Variants in VCAN observed in about 807,000 individuals in gnomAD.
VCAN encodes the protein versican core protein.
Under a neutral mutation model 245.5 loss-of-function variants are expected in VCAN, and 44 were observed. That is an observed-to-expected ratio of 0.18 (90% confidence interval 0.14 to 0.23). The LOEUF (loss-of-function observed/expected upper bound fraction) is 0.23, where lower values mean the gene tolerates loss of function less well. Ranked by LOEUF, VCAN falls within the 10% of genes least tolerant of loss-of-function variation. The pLI, the probability that VCAN is intolerant of heterozygous loss-of-function variation, is 1.00. For missense variants in VCAN, 3,793 were observed against 4,057.9 expected (o/e 0.93, Z 1.77); for synonymous variants, 1,413 against 1,437.0 (o/e 0.98, Z 0.38).
At position 83,580,540 on chromosome 5, in the gene VCAN, G is replaced by T; in HGVS notation, c.*106G>T. 2 of 1,539,832 alleles carry T rather than the reference G, an allele frequency of 1.3e-6. No individual in the cohort carries two copies. The highest frequency in any genetic ancestry group is 1.8e-6 in the Non-Finnish European group (2 of 1,133,114). ...TAATTATCAGTTGGTTTGGATTTTT[G>T]GACCACCGTTCAGTCATTTTGGGTT... is the stretch of plus-strand genomic sequence containing the variant. On this transcript the variant is annotated 3_prime_UTR_variant, in exon 15 of 15. Coordinates refer to ENST00000265077, the MANE Select transcript of VCAN (RefSeq NM_004385.5).
rs11745614 is a variant in VCAN, at chr5:83,520,756, C to G, written c.2450C>G (p.Ser817Cys). 1 of 1,614,110 alleles carries G rather than the reference C, an allele frequency of 6.2e-7. No homozygotes were observed. Among genetic ancestry groups the G allele is most frequent in the Admixed American group, 1.7e-5 (1 of 60,004 alleles). Residue 817 changes from serine (S) to cysteine (C), a missense_variant, in exon 7 of 15, where the codon TCT becomes TGT. Ser to Cys is a moderately radical substitution (Grantham distance 112). Around this residue, in one of 5 missense-constraint regions of VCAN, gnomAD observed 3,182 missense variants for 3,250.3 expected, o/e 0.98. Coordinates refer to ENST00000265077, the MANE Select transcript of VCAN (RefSeq NM_004385.5). The stretch of plus-strand genomic sequence containing the variant: ...AATACAACATCCAAGCCTTTAGAGT[C>G]TACAGAACCTTCAGCCTCTTCAAAA... ...EDNTTSKPLESTEPSASSKLP... is the reference protein window; with the variant it reads ...EDNTTSKPLECTEPSASSKLP...
intron 12 of VCAN, among the ~76,000 whole-genome samples, chr5:83,558,498 A>C (rs1747754428): frequency 6.6e-6 from 1 of 152,144 alleles, no homozygotes; most frequent in African/African-American, 2.4e-5. Flanking sequence ...AAACAAAAAG[A>C]ACCTTTCATA....
intron 7 of VCAN, among the ~76,000 whole-genome samples, chr5:83,528,586 G>T (rs928600668): frequency 1.3e-5 from 2 of 152,072 alleles, no homozygotes; most frequent in Admixed American, 6.6e-5. Context: ...GAGCTTCAGT[G>T]ATTCACACAT....
At chr5:83,473,593 G>T (rs887572031) in intron 1 of VCAN, among the ~76,000 whole-genome samples, 5 of 152,098 alleles carry the variant, frequency 3.3e-5, no homozygotes, top group African/African-American at 1.2e-4. Context: ...TGCCTTTCCC[G>T]TGCTCCAAGG....
chr5:83,520,026 G>T lies in VCAN; in HGVS notation c.1720G>T (p.Asp574Tyr). 1.9e-6 allele frequency: 3 copies of T among 1,614,022 alleles called. No homozygotes were observed. In the South Asian group the frequency reaches 3.3e-5, roughly 18 times the overall value. Residue 574 changes from aspartate to tyrosine, a missense_variant, in exon 7 of 15, where the codon GAC becomes TAC. This residue lies in a region of VCAN where 3,182 missense variants were observed against 3,250.3 expected (regional missense o/e 0.98). Transcript: ENST00000265077. ...VGSDESTLIF[D>Y]QIPEVITVSK... is the part of the protein sequence containing the mutation. ...ATCTGATGAGAGCACCTTGATCTTT[G>T]ACCAAATTCCTGAAGTCATTACGGT...
At chr5:83,523,513 T>C (rs1033844329) in intron 7 of VCAN, among the ~76,000 whole-genome samples, 1 of 151,750 alleles carries the variant, frequency 6.6e-6, no homozygotes, top group Non-Finnish European at 1.5e-5. Flanking sequence ...TGCTCAGGAG[T>C]GCACCTATTG....
intron 1 of VCAN, among the ~76,000 whole-genome samples, chr5:83,480,103 A>T (rs556160330): frequency 6.6e-6 from 1 of 152,328 alleles, no homozygotes; most frequent in Admixed American, 6.5e-5. Context: ...TTTAGTGTAA[A>T]CAGTCTAATT....
Position 83,541,522 on chromosome 5 carries a change from A to G in VCAN, c.8519A>G (p.His2840Arg), listed in dbSNP as rs751319175. The part of the protein sequence containing the change: ...TIYSGSEASG[H>R]TEIPQPSALP... ...TACTCAGGCAGTGAAGCCTCTGGAC[A>G]CACAGAGATCCCCCAGCCCAGTGCT... is the stretch of plus-strand genomic sequence containing the variant. Residue 2840 changes from histidine (H) to arginine (R), a missense_variant, in exon 8 of 15, where the codon CAC (histidine) becomes CGC (arginine). This residue lies in a region of VCAN where 3,182 missense variants were observed against 3,250.3 expected (regional missense o/e 0.98). Coordinates refer to ENST00000265077, the MANE Select transcript of VCAN (RefSeq NM_004385.5). 10 of 1,613,986 alleles carry G rather than the reference A, an allele frequency of 6.2e-6. No homozygotes were observed. The highest frequency in any genetic ancestry group is 3.3e-4 in the Middle Eastern group (2 of 6,060).
At position 83,565,906 on chromosome 5, in the gene VCAN, GA is replaced by G. The variant is rs34205964; in HGVS notation, c.9736-6501del. ...AAGAAAACTCATTTTTTAACACAAG[GA>G]AAAAAAAACCTCCTGGTTTATTTCT... On this transcript the variant is annotated intron_variant, in intron 12 of 14. Coordinates refer to ENST00000265077, the MANE Select transcript of VCAN (RefSeq NM_004385.5). 1.3e-3 allele frequency among the ~76,000 whole-genome samples: 190 copies of G among 147,976 alleles called. No homozygotes were observed. The East Asian group carries it at 0.027, about 21-fold the overall frequency.
intron 8 of VCAN, among the ~76,000 whole-genome samples, chr5:83,543,513 C>G (rs1747084369): frequency 6.6e-6 from 1 of 152,098 alleles, no homozygotes; most frequent in African/African-American, 2.4e-5. Flanking sequence ...ATAGAAAGTA[C>G]AATTTTTAAT....
At chr5:83,499,987 G>T (rs568957885) in intron 5 of VCAN, among the ~76,000 whole-genome samples, 34 of 152,114 alleles carry the variant, frequency 2.2e-4, no homozygotes, top group Non-Finnish European at 4.4e-4. Flanking sequence ...GCTTTTTAAA[G>T]GTTTTGGTTG....
intron 2 of VCAN, 69 bp downstream of exon 2, chr5:83,483,657 A>C: frequency 7.3e-7 from 1 of 1,368,736 alleles, no homozygotes; most frequent in South Asian, 1.2e-5. Flanking sequence ...ATGAAATGGC[A>C]ATGTGGAATC....
At chr5:83,572,682 C>T in intron 13 of VCAN, 122 bp downstream of exon 13, 1 of 1,247,084 alleles carries the variant, frequency 8.0e-7, no homozygotes, top group Non-Finnish European at 1.1e-6. Context: ...TGTATGTCAT[C>T]TCTCGTTGCT....
In VCAN at chr5:83,537,073, G is replaced by C; in HGVS notation, c.4070G>C (p.Cys1357Ser). 1 of 1,613,624 alleles carries C rather than the reference G, an allele frequency of 6.2e-7. No individual in the cohort carries two copies. The highest frequency in any genetic ancestry group is 8.5e-7 in the Non-Finnish European group (1 of 1,179,768). Residue 1357 changes from cysteine to serine, a missense_variant, in exon 8 of 15, where the codon TGT (cysteine) becomes TCT (serine). Physicochemically the swap from Cys to Ser is moderately radical, Grantham distance 112. This residue lies in a region of VCAN where 3,182 missense variants were observed against 3,250.3 expected (regional missense o/e 0.98). Coordinates refer to ENST00000265077, the MANE Select transcript of VCAN (RefSeq NM_004385.5). ...IDSESKEDEP[C>S]SEETDPVHDL... ...TCAGAATCTAAAGAAGATGAACCTT[G>C]TAGTGAAGAAACAGATCCAGTGCAT...
At chr5:83,513,967 AAAC>A (rs1745757977) in intron 6 of VCAN, among the ~76,000 whole-genome samples, 1 of 152,184 alleles carries the variant, frequency 6.6e-6, no homozygotes, top group South Asian at 2.1e-4. Flanking sequence ...GAAAACTTTT[AAAC>A]AACATTTTTC....
intron 10 of VCAN, 69 bp downstream of exon 10, chr5:83,548,153 CATA>C (rs1747308056): frequency 8.7e-7 from 1 of 1,148,322 alleles, no homozygotes; most frequent in African/African-American, 1.5e-5. Flanking sequence ...GGCCTCAATG[CATA>C]ATCTTTCCTG....
At chr5:83,554,215 C>T (rs1178419222) in intron 11 of VCAN, among the ~76,000 whole-genome samples, 1 of 152,214 alleles carries the variant, frequency 6.6e-6, no homozygotes, top group Non-Finnish European at 1.5e-5. Flanking sequence ...GCTGTCCAGG[C>T]TTGACTTGAA....
rs1234356884 is a variant in VCAN at position 83,513,192 on chromosome 5, T to C, written c.1042+796T>C. On this transcript the variant is annotated intron_variant, in intron 6 of 14. Transcript: ENST00000265077. The stretch of plus-strand genomic sequence containing the variant: ...AACAAGCAAGTAATCTAGCATCTCA[T>C]TGGAATATTTACTGAACCATCTATA... Among the ~76,000 whole-genome samples, 5 of 152,186 alleles carry C rather than the reference T, an allele frequency of 3.3e-5. No individual in the cohort carries two copies. In the East Asian group the frequency reaches 7.7e-4, roughly 23 times the overall value.
intron 9 of VCAN, 70 bp from the exon 10 acceptor site, chr5:83,547,901 A>C (rs2112460949): frequency 1.9e-6 from 2 of 1,070,418 alleles, no homozygotes; most frequent in Admixed American, 3.4e-5. Context: ...TTATCTTGCA[A>C]CCTCACACTA....
Sources: gnomAD v4.1 joint callset for allele counts (sites outside exome capture counted in the v4.1 genomes callset) on GRCh38, gnomAD v4.1.1 for gene constraint, gnomAD v4.1.1 regional missense constraint, MANE v1.5 for transcripts, NCBI Gene and HGNC (gene_info 2026-07-23, HGNC 2026-07-21) for gene names.